PPIH: variants seen among roughly 807,000 people sequenced by gnomAD.
PPIH encodes the protein peptidyl-prolyl cis-trans isomerase H.
Under a neutral mutation model 27.6 loss-of-function variants are expected in PPIH, and 16 were observed. The ratio of observed to expected loss-of-function variants is 0.58; its 90% CI spans 0.39 to 0.88. The LOEUF is 0.88. PPIH is among the 40% of genes least tolerant of loss of function. The pLI, the probability that PPIH is intolerant of heterozygous loss-of-function variation, is 0.00. For synonymous variants in PPIH, 63 were observed against 76.1 expected (o/e 0.83, Z 0.90); for missense variants, 155 against 224.1 (o/e 0.69, Z 1.97).
downstream of PPIH, among the ~76,000 whole-genome samples, chr1:42,678,493 A>G (rs1218673444): frequency 2.0e-5 from 3 of 152,270 alleles, no homozygotes; most frequent in South Asian, 2.1e-4. Context: ...TCCACCTCCC[A>G]GGTTCAAGCG....
chr1:42,658,731 G>A, intron 1 of PPIH, 113 bp from the exon 2 acceptor site: 1 of 1,290,828 alleles, frequency 7.7e-7, no homozygotes. Context: ...CTAGGGAGGC[G>A]GAGGTGGGAG....
At chr1:42,681,541 A>C (rs1393604306), downstream of PPIH, 1 of 152,214 alleles carries the variant, frequency 6.6e-6, no homozygotes, top group Non-Finnish European at 1.5e-5. Context: ...TGGCAGCCTC[A>C]ATTTTATCGT....
downstream of PPIH, among the ~76,000 whole-genome samples, chr1:42,677,083 T>G (rs1263749073): frequency 6.6e-6 from 1 of 152,236 alleles, no homozygotes; most frequent in East Asian, 1.9e-4. Context: ...GTCACTAACT[T>G]GACCTATCTA....
At chr1:42,661,845 T>A (rs1011378659) in intron 5 of PPIH, among the ~76,000 whole-genome samples, 1 of 149,500 alleles carries the variant, frequency 6.7e-6, no homozygotes, top group Non-Finnish European at 1.5e-5. Context: ...CACAAAAAAA[T>A]CCTAGTTTTT....
At chr1:42,663,921 A>G (rs980085277) in intron 5 of PPIH, among the ~76,000 whole-genome samples, 4 of 152,164 alleles carry the variant, frequency 2.6e-5, no homozygotes, top group Admixed American at 2.0e-4. Context: ...GCACTCCTCA[A>G]TATTGCCTTT....
chr1:42,667,735 G>A (rs144825102), intron 9 of PPIH, among the ~76,000 whole-genome samples: 33 of 152,350 alleles, frequency 2.2e-4, no homozygotes, highest in African/African-American at 7.7e-4. Context: ...TACTCAGGCA[G>A]TTTGTAACAG....
At chr1:42,660,035 C>G (rs1327159587) in intron 4 of PPIH, among the ~76,000 whole-genome samples, 1 of 152,156 alleles carries the variant, frequency 6.6e-6, no homozygotes, top group Admixed American at 6.5e-5. Flanking sequence ...ATAATTATAT[C>G]ACAGCTTTAG....
rs527925405 is a variant in PPIH, at chr1:42,667,269, G to A, written c.466-82G>A. On this transcript the variant is annotated intron_variant, in intron 8 of 9. Transcript: ENST00000304979. Reference sequence around the variant, plus strand: ...CTGAGTGCTGAGTCCTTAGCACAGGGCTGGCAGGCATCAGTAAAAGTTTGA... The same window carrying A: ...CTGAGTGCTGAGTCCTTAGCACAGGACTGGCAGGCATCAGTAAAAGTTTGA... 2.4e-6 allele frequency: 3 copies of A among 1,268,192 alleles called. No individual in the cohort carries two copies. In the Admixed American group the frequency reaches 5.6e-5, roughly 24 times the overall value. 78.6% of individuals were successfully genotyped at this position (1,268,192 alleles called of 1,614,324 possible).
downstream of PPIH, among the ~76,000 whole-genome samples, chr1:42,679,191 C>T (rs573513747): frequency 6.6e-6 from 1 of 152,240 alleles, no homozygotes; most frequent in African/African-American, 2.4e-5. Context: ...GAGGTGGCTA[C>T]AAGAAAATTA....
chr1:42,671,689 A>C, intron 9 of PPIH, among the ~76,000 whole-genome samples: 1 of 152,070 alleles, frequency 6.6e-6, no homozygotes, highest in East Asian at 1.9e-4. Context: ...AATCCCTCAT[A>C]GGTTTTAAGG....
Position 42,664,893 on chromosome 1 carries a change from CG to C in PPIH, c.279del (p.Pro94HisfsTer56), listed in dbSNP as rs1284440182. On this transcript the variant is annotated frameshift_variant, in exon 6 of 10. Coordinates refer to ENST00000304979, the MANE Select transcript of PPIH (RefSeq NM_006347.4). LOFTEE classifies it high-confidence loss of function. The stretch of plus-strand genomic sequence containing the variant: ...TGGTACTGGAGTCGCCAGTATTTAC[CG>C]GGGGCCATTTGCAGATGAAAATTTT... ...GDGTGVASIY[R>X]GPFADENFKL... 1 of 1,613,624 alleles carries C rather than the reference CG, an allele frequency of 6.2e-7. No individual in the cohort carries two copies. The highest frequency in any genetic ancestry group is 2.2e-5 in the East Asian group (1 of 44,850).
At chr1:42,659,174 G>C (rs1648852913) in intron 2 of PPIH, 54 bp from the exon 3 acceptor site, 2 of 1,610,036 alleles carry the variant, frequency 1.2e-6, no homozygotes, top group Non-Finnish European at 1.7e-6. Context: ...ATTTAGAGGC[G>C]CTCACGACTG....
At chr1:42,677,225 G>T (rs1349664701), downstream of PPIH, among the ~76,000 whole-genome samples, 1 of 152,186 alleles carries the variant, frequency 6.6e-6, no homozygotes, top group Non-Finnish European at 1.5e-5. Context: ...TGTAATCCCA[G>T]CACTTGGGGA....
intron 9 of PPIH, 39 bp from the exon 10 acceptor site, chr1:42,676,545 C>T (rs1649895491): frequency 6.6e-6 from 1 of 151,604 alleles, no homozygotes; most frequent in African/African-American, 2.4e-5. Flanking sequence ...GTGCTTACCT[C>T]CCCATCCCAC....
intron 6 of PPIH, 86 bp downstream of exon 6, chr1:42,665,041 A>T: frequency 9.0e-7 from 1 of 1,107,084 alleles, no homozygotes; most frequent in Non-Finnish European, 1.4e-6. Context: ...CTTGGGATGG[A>T]AGCAAATGCT....
intron 9 of PPIH, 74 bp downstream of exon 9, chr1:42,667,514 T>C: frequency 7.6e-7 from 1 of 1,308,206 alleles, no homozygotes. Context: ...GGAAAGAACT[T>C]TAGTCTTGAA....
intron 1 of PPIH, 64 bp from the exon 2 acceptor site, chr1:42,658,780 C>G: frequency 1.3e-6 from 2 of 1,572,020 alleles, no homozygotes; most frequent in South Asian, 2.2e-5. Flanking sequence ...CCATCATGCC[C>G]CCTGCTCCGT....
intron 6 of PPIH, among the ~76,000 whole-genome samples, chr1:42,665,702 T>G (rs1310116883): frequency 2.0e-5 from 3 of 151,772 alleles, no homozygotes; most frequent in Non-Finnish European, 4.4e-5. Flanking sequence ...AAAAAAAAAT[T>G]AGCCAGGTGT....
intron 9 of PPIH, chr1:42,675,462 T>C (rs2148729062): frequency 6.6e-6 from 1 of 152,344 alleles, no homozygotes; most frequent in Admixed American, 6.5e-5. Context: ...AGTCTGTTTT[T>C]CTCTGGACTG....
Sources: allele counts gnomAD v4.1 joint callset (sites outside exome capture counted in the v4.1 genomes callset), GRCh38; gene constraint gnomAD v4.1.1; transcripts MANE v1.5; gene names NCBI Gene and HGNC (gene_info 2026-07-23, HGNC 2026-07-21).